TTC7B: variants seen among roughly 807,000 people sequenced by gnomAD.
TTC7B encodes tetratricopeptide repeat protein 7B.
TTC7B carries 28 observed loss-of-function variants against 106.8 expected under a neutral mutation model. The observed-to-expected ratio is 0.26, with a 90% CI of 0.19 to 0.36. The LOEUF is 0.36. TTC7B is among the 10% of genes least tolerant of loss of function. TTC7B has a pLI of 1.00. For missense variants in TTC7B, 862 were observed against 1,076.4 expected, an observed-to-expected ratio of 0.80 and a Z score of 2.79; for synonymous variants, 405 against 430.6, an observed-to-expected ratio of 0.94 and a Z score of 0.74.
chr14:90,620,658 C>T (rs1176236131), intron 15 of TTC7B, among the ~76,000 whole-genome samples: 16 of 152,162 alleles, frequency 1.1e-4, no homozygotes, highest in South Asian at 4.1e-4. Context: ...CCTCCAATGG[C>T]GCCTGCCCCC....
rs1405887952 is a variant in TTC7B at position 90,657,928 on chromosome 14, T to C, written c.1236+376A>G. On this transcript the variant is annotated intron_variant, in intron 10 of 19. Transcript: ENST00000328459. The surrounding 1 kb of genome is among the most constrained non-coding windows in gnomAD (Gnocchi z 4.2). ...CCTCAGCCCACATTTTCATCCAGTA[T>C]CATGCACTGCCTAATATAACACATT... 1 of 245,692 alleles carries C rather than the reference T, an allele frequency of 4.1e-6. No individual in the cohort carries two copies. Among genetic ancestry groups the C allele is most frequent in the Non-Finnish European group, 8.1e-6 (1 of 123,836 alleles). 15.2% of individuals were successfully genotyped at this position (245,692 alleles called of 1,614,324 possible). A position where few individuals can be genotyped will look rare whatever the true frequency, so the allele number is the denominator to read the frequency against.
chr14:90,785,460 G>A (rs1891354340), intron 2 of TTC7B, among the ~76,000 whole-genome samples: 2 of 152,148 alleles, frequency 1.3e-5, no homozygotes, highest in South Asian at 4.1e-4. Flanking sequence ...CTGAACTAGG[G>A]GAAGCATCTA....
chr14:90,789,895 C>CA (rs1325409536), intron 1 of TTC7B, among the ~76,000 whole-genome samples: 2,230 of 113,152 alleles, frequency 0.02, 23 homozygotes, highest in African/African-American at 0.036. Flanking sequence ...GACTCTGTCT[C>CA]AAAAAAAAAA....
intron 2 of TTC7B, among the ~76,000 whole-genome samples, chr14:90,783,043 G>A (rs1253452520): frequency 1.3e-5 from 2 of 152,216 alleles, no homozygotes; most frequent in Non-Finnish European, 2.9e-5. Context: ...GACACACTGG[G>A]AGAGCCTCCC....
intron 1 of TTC7B, among the ~76,000 whole-genome samples, chr14:90,813,811 C>T (rs1247452031): frequency 3.3e-5 from 5 of 152,004 alleles, no homozygotes; most frequent in Admixed American, 3.3e-4. Context: ...AGAACTTGTG[C>T]TCATGCACCC....
At chr14:90,804,810 G>T (rs996332876) in intron 1 of TTC7B, among the ~76,000 whole-genome samples, 1 of 152,224 alleles carries the variant, frequency 6.6e-6, no homozygotes, top group Non-Finnish European at 1.5e-5. Flanking sequence ...CAAGGGCCAG[G>T]GGGGTAGTTC....
At chr14:90,703,419 C>T (rs1172913154) in intron 5 of TTC7B, among the ~76,000 whole-genome samples, 1 of 152,154 alleles carries the variant, frequency 6.6e-6, no homozygotes, top group Non-Finnish European at 1.5e-5. Flanking sequence ...AAAGTCCCTC[C>T]AAACGCACCA....
chr14:90,759,685 A>G lies in TTC7B; in HGVS notation c.446-14763T>C, dbSNP rs532206601. On this transcript the variant is annotated intron_variant, in intron 3 of 19. Coordinates refer to ENST00000328459, the MANE Select transcript of TTC7B (RefSeq NM_001010854.2). The surrounding 1 kb of genome is among the most constrained non-coding windows in gnomAD (Gnocchi z 4.1). ...CAGAAGAGGCATTAGACACAAGAGT[A>G]TTTGTTTTTATATCAGGCCCAAACC... Among the ~76,000 whole-genome samples, 1 of 152,338 alleles carries G rather than the reference A, an allele frequency of 6.6e-6. No individual in the cohort carries two copies. The highest frequency in any genetic ancestry group is 2.1e-4 in the South Asian group (1 of 4,822).
intron 3 of TTC7B, among the ~76,000 whole-genome samples, chr14:90,771,888 T>C (rs1890875802): frequency 6.8e-6 from 1 of 146,794 alleles, no homozygotes; most frequent in Admixed American, 6.9e-5. Context: ...ATTAAGTATA[T>C]ACATATATAT....
chr14:90,709,759 T>C (rs1465181298), intron 5 of TTC7B, among the ~76,000 whole-genome samples: 1 of 151,964 alleles, frequency 6.6e-6, no homozygotes, highest in Non-Finnish European at 1.5e-5. Context: ...ATTTGTATCT[T>C]AAAGAGTGGT....
At position 90,570,135 on chromosome 14, in the gene TTC7B, G is replaced by T. The variant is rs1209827194; in HGVS notation, c.2310+7971C>A. On this transcript the variant is annotated intron_variant, in intron 19 of 19. Transcript: ENST00000328459. This position sits in a 1 kb window ranked among gnomAD's most constrained non-coding sequence, Gnocchi z 4.0. The stretch of plus-strand genomic sequence containing the variant: ...CAGCCTGGGGACCCGGCTGTACCCA[G>T]CACACTGAGTGAGAGCCCCACTTAC... 6.6e-6 allele frequency among the ~76,000 whole-genome samples: 1 copy of T among 152,194 alleles called. No individual in the cohort carries two copies. Among genetic ancestry groups the T allele is most frequent in the East Asian group, 1.9e-4 (1 of 5,186 alleles).
At chr14:90,630,197 T>C (rs1007085298) in intron 15 of TTC7B, among the ~76,000 whole-genome samples, 9 of 151,726 alleles carry the variant, frequency 5.9e-5, no homozygotes, top group African/African-American at 2.2e-4. Flanking sequence ...CAATTTTTCA[T>C]TGCATTTGGG....
chr14:90,705,773 T>C (rs926002021), intron 5 of TTC7B, among the ~76,000 whole-genome samples: 2 of 152,188 alleles, frequency 1.3e-5, no homozygotes, highest in Admixed American at 6.5e-5. Flanking sequence ...CCCTACCCTA[T>C]AGCCTTGTCC....
At chr14:90,758,371 G>C (rs1890381271) in intron 3 of TTC7B, among the ~76,000 whole-genome samples, 1 of 138,088 alleles carries the variant, frequency 7.2e-6, no homozygotes, top group African/African-American at 2.7e-5. Context: ...GCGCAAGGAG[G>C]GGCGGGGCGA....
intron 4 of TTC7B, among the ~76,000 whole-genome samples, chr14:90,735,939 A>G (rs771868605): frequency 6.6e-6 from 1 of 152,174 alleles, no homozygotes; most frequent in Non-Finnish European, 1.5e-5. Flanking sequence ...AATAAAAGTA[A>G]TGAGTAGTTA....
intron 1 of TTC7B, among the ~76,000 whole-genome samples, chr14:90,790,012 C>T (rs969164364): frequency 6.6e-6 from 1 of 152,038 alleles, no homozygotes; most frequent in African/African-American, 2.4e-5. Context: ...GTATTTTACA[C>T]TCACAGCACA....
intron 19 of TTC7B, among the ~76,000 whole-genome samples, chr14:90,563,799 G>C (rs1890683351): frequency 6.6e-6 from 1 of 152,164 alleles, no homozygotes; most frequent in South Asian, 2.1e-4. Context: ...TCTTCACCAG[G>C]AGTAGATTCC....
At chr14:90,715,348 TAGG>T (rs1298755893) in intron 5 of TTC7B, among the ~76,000 whole-genome samples, 1 of 152,168 alleles carries the variant, frequency 6.6e-6, no homozygotes, top group Non-Finnish European at 1.5e-5. Flanking sequence ...TACGTGGATA[TAGG>T]AGAAGACCCA....
intron 9 of TTC7B, among the ~76,000 whole-genome samples, chr14:90,670,580 T>C (rs1886594465): frequency 6.6e-6 from 1 of 152,228 alleles, no homozygotes; most frequent in Non-Finnish European, 1.5e-5. Context: ...CTCTGAACTA[T>C]GCTACCCTAA....
Sources: allele counts gnomAD v4.1 joint callset (sites outside exome capture counted in the v4.1 genomes callset), GRCh38; gene constraint gnomAD v4.1.1; non-coding constraint Gnocchi (gnomAD v3.1); transcripts MANE v1.5; gene names NCBI Gene and HGNC (gene_info 2026-07-23, HGNC 2026-07-21).